Variants in L3MBTL4 observed in about 807,000 individuals in gnomAD.
The protein encoded by L3MBTL4 is lethal(3)malignant brain tumor-like protein 4.
L3MBTL4 carries 70 observed loss-of-function variants against 84.5 expected under a neutral mutation model. That is an observed-to-expected ratio of 0.83 (90% CI 0.68 to 1.01). The LOEUF is 1.01. Ranked by LOEUF, L3MBTL4 falls within the 50% of genes least tolerant of loss-of-function variation. The pLI, the probability that L3MBTL4 is intolerant of heterozygous loss-of-function variation, is 0.00. For missense variants in L3MBTL4, 715 were observed against 754.8 expected, an observed-to-expected ratio of 0.95 and a Z score of 0.62; for synonymous variants, 274 against 259.8, an observed-to-expected ratio of 1.05 and a Z score of -0.52.
intron 1 of L3MBTL4, among the ~76,000 whole-genome samples, chr18:6,405,927 A>AT (rs369860323): frequency 4.6e-5 from 7 of 152,332 alleles, no homozygotes; most frequent in African/African-American, 1.7e-4. Flanking sequence ...TCCTAATATC[A>AT]TTTACATTCC....
intron 16 of L3MBTL4, among the ~76,000 whole-genome samples, chr18:5,976,959 A>T (rs1241169025): frequency 6.6e-6 from 1 of 152,038 alleles, no homozygotes; most frequent in East Asian, 1.9e-4. Context: ...GGGAGGACTG[A>T]GGGAACCGAG....
chr18:6,363,777 C>T (rs532479655), intron 1 of L3MBTL4, among the ~76,000 whole-genome samples: 1 of 152,216 alleles, frequency 6.6e-6, no homozygotes, highest in South Asian at 2.1e-4. Context: ...GCTCCCATGC[C>T]CACTTAACCA....
chr18:6,205,549 T>C (rs1026076466), intron 12 of L3MBTL4, among the ~76,000 whole-genome samples: 1 of 152,222 alleles, frequency 6.6e-6, no homozygotes, highest in Non-Finnish European at 1.5e-5. Context: ...CTTGTTAAAG[T>C]AGTAATAGGA....
chr18:6,328,805 C>G (rs1276655351), intron 1 of L3MBTL4, among the ~76,000 whole-genome samples: 1 of 152,228 alleles, frequency 6.6e-6, no homozygotes, highest in African/African-American at 2.4e-5. Context: ...AGTTCTAGCT[C>G]TGACTCTCCA....
intron 12 of L3MBTL4, among the ~76,000 whole-genome samples, chr18:6,187,717 C>A (rs529560587): frequency 1.3e-5 from 2 of 152,170 alleles, no homozygotes; most frequent in Non-Finnish European, 1.5e-5. Flanking sequence ...AATGTTCAAG[C>A]CAGTGAATGA....
intron 15 of L3MBTL4, among the ~76,000 whole-genome samples, chr18:6,084,198 C>T (rs892915676): frequency 6.6e-6 from 1 of 152,192 alleles, no homozygotes; most frequent in African/African-American, 2.4e-5. Context: ...AGTTAGCAAA[C>T]TATGCCCCGT....
intron 14 of L3MBTL4, among the ~76,000 whole-genome samples, chr18:6,115,393 A>G (rs1049691147): frequency 5.3e-5 from 8 of 152,202 alleles, no homozygotes; most frequent in African/African-American, 1.9e-4. Context: ...ATCAGAATCT[A>G]TTGACAAGAC....
rs556758601 is a variant in L3MBTL4 at position 6,318,529 on chromosome 18, AAAG to A, written c.-90-6476_-90-6474del. 4.0e-3 allele frequency among the ~76,000 whole-genome samples: 586 copies of A among 145,308 alleles called. 3 individuals carry two copies. The highest frequency in any genetic ancestry group is 0.015 in the African/African-American group (571 of 38,800). On this transcript the variant is annotated intron_variant, in intron 1 of 18. Transcript: ENST00000317931. ...AAAAAAAAAAAAAAAAAAAAAAGAC[AAAG>A]AAGGTCATTATATAATAATAAAAGG...
At position 6,128,355 on chromosome 18, in the gene L3MBTL4, C is replaced by G. The variant is rs1336310961; in HGVS notation, c.1199+9839G>C. On this transcript the variant is annotated intron_variant, in intron 14 of 18. Transcript: ENST00000317931. ...ATTATTGACAAATAAAATGAGAACA[C>G]CTCCCATAAATAAAAGAGGTGAGTC... is the stretch of plus-strand genomic sequence containing the variant. Among the ~76,000 whole-genome samples, 4 of 152,132 alleles carry G rather than the reference C, an allele frequency of 2.6e-5. No individual in the cohort carries two copies. In the East Asian group the frequency reaches 7.7e-4, roughly 29 times the overall value.
At chr18:6,138,584 A>G (rs8088841) in intron 13 of L3MBTL4, among the ~76,000 whole-genome samples, 2,583 of 152,228 alleles carry the variant, frequency 0.017, 81 homozygotes, top group African/African-American at 0.058. Context: ...ACTAAGTCTC[A>G]CTCTGTTGCC....
chr18:6,225,940 A>T (rs1242767544), intron 10 of L3MBTL4, among the ~76,000 whole-genome samples: 4 of 152,168 alleles, frequency 2.6e-5, no homozygotes, highest in Non-Finnish European at 1.5e-5. Flanking sequence ...ATAAAAACTG[A>T]CATAATGCAT....
chr18:6,320,533 C>A (rs1384286773), intron 1 of L3MBTL4, among the ~76,000 whole-genome samples: 2 of 151,246 alleles, frequency 1.3e-5, no homozygotes, highest in African/African-American at 4.8e-5. Flanking sequence ...TAGCTGCATG[C>A]AACCAAGGAG....
chr18:6,250,703 G>A (rs2047887312), intron 5 of L3MBTL4, among the ~76,000 whole-genome samples: 1 of 152,134 alleles, frequency 6.6e-6, no homozygotes, highest in South Asian at 2.1e-4. Context: ...GTTATACAAA[G>A]AACTGGGCAA....
intron 13 of L3MBTL4, among the ~76,000 whole-genome samples, chr18:6,154,669 G>A (rs143500041): frequency 1.2e-4 from 19 of 152,170 alleles, no homozygotes; most frequent in Non-Finnish European, 2.8e-4. Context: ...AACGCCAACT[G>A]TACAGTTCAG....
At chr18:6,001,164 T>C (rs2054194383) in intron 16 of L3MBTL4, among the ~76,000 whole-genome samples, 1 of 152,226 alleles carries the variant, frequency 6.6e-6, no homozygotes, top group Admixed American at 6.5e-5. Context: ...AGGATCTGTG[T>C]CCTCATAACT....
intron 16 of L3MBTL4, among the ~76,000 whole-genome samples, chr18:6,072,217 C>A (rs1351186618): frequency 6.6e-6 from 1 of 151,986 alleles, no homozygotes; most frequent in Non-Finnish European, 1.5e-5. Context: ...AGGACTTTAA[C>A]ACATTTTTTC....
intron 1 of L3MBTL4, among the ~76,000 whole-genome samples, chr18:6,334,163 C>A (rs924921333): frequency 3.3e-5 from 5 of 152,172 alleles, no homozygotes; most frequent in Non-Finnish European, 7.3e-5. Flanking sequence ...AGAACATCTG[C>A]AACCTTTTGA....
chr18:6,374,815 T>C (rs924503815), intron 1 of L3MBTL4, among the ~76,000 whole-genome samples: 3 of 152,132 alleles, frequency 2.0e-5, no homozygotes, highest in African/African-American at 4.8e-5. Flanking sequence ...GCCACTTCTA[T>C]TACTGGCAGT....
At chr18:6,380,018 A>T (rs1015025670) in intron 1 of L3MBTL4, among the ~76,000 whole-genome samples, 1 of 152,096 alleles carries the variant, frequency 6.6e-6, no homozygotes, top group Non-Finnish European at 1.5e-5. Flanking sequence ...CTCTTTAGGG[A>T]TTCGACTTCT....
Sources: allele counts gnomAD v4.1 joint callset (sites outside exome capture counted in the v4.1 genomes callset), GRCh38; gene constraint gnomAD v4.1.1; transcripts MANE v1.5; gene names NCBI Gene and HGNC (gene_info 2026-07-23, HGNC 2026-07-21).